PAK5: variants seen among roughly 807,000 people sequenced by gnomAD.
PAK5 encodes p21 (RAC1) activated kinase 5.
Under a neutral mutation model 65.9 loss-of-function variants are expected in PAK5, and 16 were observed. The observed-to-expected ratio is 0.24, with a 90% CI of 0.16 to 0.37. The LOEUF (loss-of-function observed/expected upper bound fraction) is 0.37, where lower values mean the gene tolerates loss of function less well. Among genes scored for constraint, PAK5 ranks in the 10% least tolerant of loss-of-function variants. PAK5 has a pLI of 1.00. For missense variants in PAK5, 785 were observed against 903.9 expected (o/e 0.87, Z 1.69); for synonymous variants, 371 against 354.9 (o/e 1.05, Z -0.51).
At chr20:9,573,437 T>C (rs2045827653) in intron 4 of PAK5, among the ~76,000 whole-genome samples, 1 of 152,146 alleles carries the variant, frequency 6.6e-6, no homozygotes. Flanking sequence ...GGACGGGGCA[T>C]AAAACTCCAC....
chr20:9,671,092 G>T lies in PAK5; in HGVS notation c.-11-26753C>A, dbSNP rs939164127. On this transcript the variant is annotated intron_variant, in intron 2 of 9. Transcript: ENST00000353224. ...GAAGATCAGATAGTTGTAGATATGC[G>T]GCATTATTTCTGAGGGCTCTGTTCT... 3.3e-5 allele frequency among the ~76,000 whole-genome samples: 5 copies of T among 152,160 alleles called. No individual in the cohort carries two copies. The East Asian group carries it at 9.7e-4, about 29-fold the overall frequency.
chr20:9,741,972 CTTACT>C (rs1257030956), intron 1 of PAK5, among the ~76,000 whole-genome samples: 1 of 152,086 alleles, frequency 6.6e-6, no homozygotes, highest in Non-Finnish European at 1.5e-5. Context: ...CCTTTGTGTC[CTTACT>C]TTAAACCCTA....
At chr20:9,715,120 C>G (rs148573125) in intron 1 of PAK5, among the ~76,000 whole-genome samples, 3,059 of 152,100 alleles carry the variant, frequency 0.02, 110 homozygotes, top group African/African-American at 0.07. Context: ...CCTACAGAAT[C>G]GGAGAAAAAT....
chr20:9,568,243 T>C (rs928268885), intron 4 of PAK5, among the ~76,000 whole-genome samples: 1 of 152,152 alleles, frequency 6.6e-6, no homozygotes, highest in African/African-American at 2.4e-5. Context: ...GAAACAGGGA[T>C]GCCAGCAGCT....
chr20:9,619,139 T>A (rs2046724542), intron 3 of PAK5, among the ~76,000 whole-genome samples: 1 of 151,678 alleles, frequency 6.6e-6, no homozygotes, highest in South Asian at 2.1e-4. Flanking sequence ...CCCAGCCTGG[T>A]CTGGAACTCC....
rs527662539 is a variant in PAK5, at chr20:9,589,060, C to T, written c.205-8130G>A. Among the ~76,000 whole-genome samples, 87 of 152,342 alleles carry T rather than the reference C, an allele frequency of 5.7e-4. 2 individuals are homozygous for T. Among genetic ancestry groups the T allele is most frequent in the African/African-American group, 1.8e-3 (76 of 41,572 alleles). The stretch of plus-strand genomic sequence containing the variant: ...CAATAATGAAGTGTGTAATTAACAG[C>T]TTTGCCCTAATAGGACCTCACATCT... On this transcript the variant is annotated intron_variant, in intron 3 of 9. Transcript: ENST00000353224.
intron 2 of PAK5, among the ~76,000 whole-genome samples, chr20:9,646,534 C>A (rs574593073): frequency 6.6e-6 from 1 of 152,258 alleles, no homozygotes; most frequent in South Asian, 2.1e-4. Flanking sequence ...TGACCTTAAA[C>A]GCTTGGGCAC....
At chr20:9,786,857 A>G (rs537465721) in intron 1 of PAK5, among the ~76,000 whole-genome samples, 2 of 152,260 alleles carry the variant, frequency 1.3e-5, no homozygotes, top group South Asian at 4.1e-4. Context: ...TCCTGTTGAG[A>G]TTCTATCATG....
Position 9,681,100 on chromosome 20 carries a change from A to G in PAK5, c.-12+30186T>C, listed in dbSNP as rs577081398. 1.1e-4 allele frequency among the ~76,000 whole-genome samples: 17 copies of G among 152,296 alleles called. No individual in the cohort carries two copies. In the East Asian group the frequency reaches 3.3e-3, roughly 29 times the overall value. ...GTACACAGATATTAAGAATCGTTAT[A>G]TCTTTCTGGTGGAATGATTCTTCAA... On this transcript the variant is annotated intron_variant, in intron 2 of 9. Transcript: ENST00000353224.
At chr20:9,644,869 A>T (rs1049034448) in intron 2 of PAK5, among the ~76,000 whole-genome samples, 2 of 152,226 alleles carry the variant, frequency 1.3e-5, no homozygotes, top group Non-Finnish European at 2.9e-5. Flanking sequence ...TATGTAATGA[A>T]GCCACTGAGA....
At chr20:9,740,587 T>A (rs62192882) in intron 1 of PAK5, among the ~76,000 whole-genome samples, 26,916 of 152,188 alleles carry the variant, frequency 0.18, 2,634 homozygotes, top group South Asian at 0.32. Context: ...GAGAGACCTA[T>A]GTGTTTTCTC....
intron 2 of PAK5, among the ~76,000 whole-genome samples, chr20:9,657,641 C>T (rs2047286901): frequency 6.6e-6 from 1 of 152,122 alleles, no homozygotes; most frequent in African/African-American, 2.4e-5. Flanking sequence ...CATTATATTT[C>T]TACTGGACAG....
chr20:9,683,055 T>A (rs1050372531), intron 2 of PAK5, among the ~76,000 whole-genome samples: 1 of 152,250 alleles, frequency 6.6e-6, no homozygotes, highest in African/African-American at 2.4e-5. Context: ...CTGATACTCT[T>A]CCCTTTAGGG....
intron 2 of PAK5, among the ~76,000 whole-genome samples, chr20:9,664,597 G>T (rs146809404): frequency 1.3e-5 from 2 of 152,042 alleles, no homozygotes; most frequent in Non-Finnish European, 2.9e-5. Flanking sequence ...ACATCATTTC[G>T]TTTTTATAAA....
chr20:9,811,684 C>T (rs745786342), intron 1 of PAK5, among the ~76,000 whole-genome samples: 2 of 152,150 alleles, frequency 1.3e-5, no homozygotes, highest in Non-Finnish European at 2.9e-5. Context: ...TGTAGTCCAG[C>T]ACTTGAATAC....
intron 1 of PAK5, among the ~76,000 whole-genome samples, chr20:9,739,228 C>CT (rs55690747): frequency 0.059 from 8,539 of 145,584 alleles, 693 homozygotes; most frequent in African/African-American, 0.18. Context: ...TCTTTGCTTT[C>CT]TTTTTTTTTT....
At chr20:9,647,149 G>A (rs992444406) in intron 2 of PAK5, among the ~76,000 whole-genome samples, 3 of 152,160 alleles carry the variant, frequency 2.0e-5, no homozygotes, top group Admixed American at 6.5e-5. Context: ...CATCCAATCT[G>A]GGTAACTATA....
rs371700028 is a variant in PAK5 at position 9,677,001 on chromosome 20, T to C, written c.-11-32662A>G. Among the ~76,000 whole-genome samples the C allele has an allele frequency of 2.6e-5, 4 of 151,944 alleles. No individual in the cohort carries two copies. In the East Asian group the frequency reaches 5.8e-4, roughly 22 times the overall value. ...ATCTAAAGACAGAGGAAAATAAATATGTTTTCCTGAAAACCACAGGGAAAT... is the reference window on the plus strand; with the variant it reads ...ATCTAAAGACAGAGGAAAATAAATACGTTTTCCTGAAAACCACAGGGAAAT... On this transcript the variant is annotated intron_variant, in intron 2 of 9. Transcript: ENST00000353224.
At chr20:9,765,068 C>T (rs544996664) in intron 1 of PAK5, among the ~76,000 whole-genome samples, 1 of 152,252 alleles carries the variant, frequency 6.6e-6, no homozygotes, top group Middle Eastern at 3.4e-3. Context: ...TCCTTTGCTC[C>T]AGCGGTGACC....
Sources: allele counts gnomAD v4.1 joint callset (sites outside exome capture counted in the v4.1 genomes callset), GRCh38; gene constraint gnomAD v4.1.1; transcripts MANE v1.5; gene names NCBI Gene and HGNC (gene_info 2026-07-23, HGNC 2026-07-21).